NDRG3: variants seen among roughly 807,000 people sequenced by gnomAD.
The protein encoded by NDRG3 is protein NDRG3.
NDRG3 carries 23 observed loss-of-function variants against 57.2 expected under a neutral mutation model. The ratio of observed to expected loss-of-function variants is 0.40; its 90% CI spans 0.29 to 0.57. The LOEUF is 0.57. NDRG3 is among the 20% of genes least tolerant of loss of function. The probability of loss-of-function intolerance (pLI) is 0.42; values close to 1 mark genes in which losing one functional copy is unlikely to be tolerated. For missense variants in NDRG3, 384 were observed against 457.3 expected (o/e 0.84, Z 1.46); for synonymous variants, 132 against 162.6 (o/e 0.81, Z 1.43).
intron 3 of NDRG3, among the ~76,000 whole-genome samples, chr20:36,691,241 A>G (rs1261951992): frequency 6.6e-6 from 1 of 152,238 alleles, no homozygotes; most frequent in African/African-American, 2.4e-5. Flanking sequence ...ACATCAGTAT[A>G]TCTCAAATTA....
intron 1 of NDRG3, among the ~76,000 whole-genome samples, chr20:36,730,937 C>T (rs1463260660): frequency 2.4e-5 from 3 of 125,130 alleles, no homozygotes; most frequent in South Asian, 2.4e-4. Context: ...GATGCTGTCT[C>T]GAAAAAAAAA....
chr20:36,720,446 T>C (rs1034599740), intron 2 of NDRG3, among the ~76,000 whole-genome samples: 1 of 152,112 alleles, frequency 6.6e-6, no homozygotes. Context: ...GTGCTGGGAT[T>C]ACAGGCATAA....
intron 8 of NDRG3, among the ~76,000 whole-genome samples, chr20:36,676,226 C>T (rs1006465000): frequency 7.9e-4 from 119 of 151,548 alleles, no homozygotes; most frequent in African/African-American, 2.7e-3. Flanking sequence ...GGCGACACAG[C>T]GAGATCCGTC....
In NDRG3 at chr20:36,653,576, A is replaced by C; in HGVS notation, c.1072T>G (p.Ser358Ala). The C allele has an allele frequency of 6.2e-7, 1 of 1,614,142 alleles. No homozygotes were observed. Residue 358 changes from serine (S) to alanine (A), a missense_variant, in exon 16 of 16, where the codon TCC (serine) becomes GCC (alanine). Ser to Ala is a moderately conservative substitution (Grantham distance 99). Transcript: ENST00000349004. The surrounding 1 kb of genome is among the most constrained non-coding windows in gnomAD (Gnocchi z 4.2). ...TSNQSDGTQE[S>A]CESPDVLDRH... ...TCCAGGACATCAGGGGACTCACAGG[A>C]TTCTTGAGTTCCATCTGACTGATTG...
intron 12 of NDRG3, among the ~76,000 whole-genome samples, chr20:36,664,763 C>T (rs1237494891): frequency 6.6e-6 from 1 of 152,064 alleles, no homozygotes; most frequent in Non-Finnish European, 1.5e-5. Context: ...AATCATGGCT[C>T]ACTGCAGCCT....
chr20:36,684,088 G>A (rs1179972648), intron 6 of NDRG3, among the ~76,000 whole-genome samples: 1 of 152,160 alleles, frequency 6.6e-6, no homozygotes, highest in Non-Finnish European at 1.5e-5. Context: ...TTGAACTGCT[G>A]TTGTTAAGTG....
intron 1 of NDRG3, among the ~76,000 whole-genome samples, chr20:36,723,506 A>G (rs1984722535): frequency 6.6e-6 from 1 of 152,138 alleles, no homozygotes; most frequent in African/African-American, 2.4e-5. Flanking sequence ...CCATTGCACT[A>G]TGGAAGATAC....
Position 36,673,987 on chromosome 20 carries a change from C to T in NDRG3, c.532-2590G>A, listed in dbSNP as rs1048141588. 3.3e-5 allele frequency among the ~76,000 whole-genome samples: 5 copies of T among 151,842 alleles called. No homozygotes were observed. In the South Asian group the frequency reaches 1.0e-3, roughly 32 times the overall value. Reference sequence around the variant, plus strand: ...GCGTGGTGGCACGTTATCTGTAATCCCAGCTACTCAGGAGGCTGAGGCAGG... The same window carrying T: ...GCGTGGTGGCACGTTATCTGTAATCTCAGCTACTCAGGAGGCTGAGGCAGG... On this transcript the variant is annotated intron_variant, in intron 8 of 15. Transcript: ENST00000349004.
At chr20:36,733,205 C>G (rs1303472034) in intron 1 of NDRG3, among the ~76,000 whole-genome samples, 1 of 90,432 alleles carries the variant, frequency 1.1e-5, no homozygotes, top group Non-Finnish European at 2.2e-5. Context: ...TATATATATG[C>G]ACATATAAAT....
intron 3 of NDRG3, among the ~76,000 whole-genome samples, chr20:36,697,203 G>A (rs1982863040): frequency 6.6e-6 from 1 of 152,154 alleles, no homozygotes; most frequent in East Asian, 1.9e-4. Context: ...AACACTGGCA[G>A]CTGGTGTTTT....
In NDRG3 at chr20:36,678,248, T is replaced by C. The variant is rs547230702; in HGVS notation, c.531+2568A>G. On this transcript the variant is annotated intron_variant, in intron 8 of 15. Coordinates refer to ENST00000349004, the MANE Select transcript of NDRG3 (RefSeq NM_032013.4). ...TAGGAGAAGCTATTTGAGATACATG[T>C]ACCCAGGACGCACATACAGAATATT... Among the ~76,000 whole-genome samples, 12 of 152,260 alleles carry C rather than the reference T, an allele frequency of 7.9e-5. No individual in the cohort carries two copies. In the East Asian group the frequency reaches 2.3e-3, roughly 29 times the overall value.
chr20:36,731,293 G>C (rs1199811459), intron 1 of NDRG3, among the ~76,000 whole-genome samples: 2 of 152,054 alleles, frequency 1.3e-5, no homozygotes, highest in Non-Finnish European at 2.9e-5. Flanking sequence ...AGATGCTAGA[G>C]GAAAGGCAGA....
rs1982129256 is a variant in NDRG3, at chr20:36,689,978, C to T, written c.94-1194G>A. On this transcript the variant is annotated intron_variant, in intron 3 of 15. Transcript: ENST00000349004. ...CTCATGATCCACCCACCTCCGCCTC[C>T]CAAAGTGCTGAGATTACAGACGTGA... 3.3e-5 allele frequency among the ~76,000 whole-genome samples: 5 copies of T among 152,052 alleles called. 1 individual carries two copies. In the South Asian group the frequency reaches 1.0e-3, roughly 31 times the overall value.
intron 1 of NDRG3, among the ~76,000 whole-genome samples, chr20:36,745,242 G>C (rs1172434983): frequency 6.6e-6 from 1 of 152,182 alleles, no homozygotes; most frequent in African/African-American, 2.4e-5. Flanking sequence ...AGCGGTGGAA[G>C]AACGTTAGCT....
intron 8 of NDRG3, among the ~76,000 whole-genome samples, chr20:36,677,836 G>T (rs1186966925): frequency 1.3e-5 from 2 of 152,116 alleles, no homozygotes; most frequent in African/African-American, 4.8e-5. Flanking sequence ...TGCAGGACAG[G>T]AACTCAGGCA....
chr20:36,708,614 T>C (rs1380945995), intron 2 of NDRG3, among the ~76,000 whole-genome samples: 4 of 140,948 alleles, frequency 2.8e-5, no homozygotes, highest in African/African-American at 1.1e-4. Context: ...AGCCATTGCG[T>C]GTCAGCCTGG....
intron 3 of NDRG3, among the ~76,000 whole-genome samples, chr20:36,692,387 C>T (rs901400256): frequency 6.6e-6 from 1 of 152,074 alleles, no homozygotes; most frequent in African/African-American, 2.4e-5. Context: ...CCAAGCCCCA[C>T]TAATTTTTGT....
At chr20:36,709,904 TA>T (rs889398668) in intron 2 of NDRG3, among the ~76,000 whole-genome samples, 30 of 147,122 alleles carry the variant, frequency 2.0e-4, no homozygotes, top group Admixed American at 4.8e-4. Flanking sequence ...AATTTTGGGT[TA>T]AAAAAAAAAA....
intron 3 of NDRG3, among the ~76,000 whole-genome samples, chr20:36,698,297 G>A (rs1005909738): frequency 6.6e-6 from 1 of 151,280 alleles, no homozygotes; most frequent in Non-Finnish European, 1.5e-5. Context: ...ACAAATCTCC[G>A]GAAGCTTTCT....
Sources: gnomAD v4.1 joint callset for allele counts (sites outside exome capture counted in the v4.1 genomes callset) on GRCh38, gnomAD v4.1.1 for gene constraint, Gnocchi (gnomAD v3.1) non-coding constraint, MANE v1.5 for transcripts, NCBI Gene and HGNC (gene_info 2026-07-23, HGNC 2026-07-21) for gene names.